Variants in PLEKHA4 observed in about 807,000 individuals in gnomAD.
PLEKHA4 encodes the protein pleckstrin homology domain containing A4.
PLEKHA4 carries 73 observed loss-of-function variants against 94.7 expected under a neutral mutation model. That is an observed-to-expected ratio of 0.77 (90% CI 0.64 to 0.94). The LOEUF is 0.94. Among genes scored for constraint, PLEKHA4 ranks in the 40% least tolerant of loss-of-function variants. PLEKHA4 has a pLI of 0.00. For synonymous variants in PLEKHA4, 449 were observed against 437.1 expected, an observed-to-expected ratio of 1.03 and a Z score of -0.34; for missense variants, 1,049 against 1,054.1, an observed-to-expected ratio of 1.00 and a Z score of 0.07.
chr19:48,853,585 C>A, intron 12 of PLEKHA4, 97 bp downstream of exon 12: 1 of 1,227,104 alleles, frequency 8.1e-7, no homozygotes, highest in Non-Finnish European at 1.1e-6. Context: ...TTCTGAAGAA[C>A]GATCTTCCTA....
At chr19:48,841,941 G>A (rs1048944810) in intron 16 of PLEKHA4, among the ~76,000 whole-genome samples, 3 of 152,046 alleles carry the variant, frequency 2.0e-5, no homozygotes, top group South Asian at 4.1e-4. Flanking sequence ...GCAAGATCCC[G>A]TATCTAAAAG....
intron 16 of PLEKHA4, among the ~76,000 whole-genome samples, chr19:48,843,542 G>A (rs1599870902): frequency 6.6e-6 from 1 of 152,020 alleles, no homozygotes; most frequent in Non-Finnish European, 1.5e-5. Context: ...GTGCAGTGGT[G>A]CAATCATGGC....
At chr19:48,863,435 T>TTTTG (rs1451735262) in intron 3 of PLEKHA4, among the ~76,000 whole-genome samples, 2 of 148,854 alleles carry the variant, frequency 1.3e-5, no homozygotes, top group Admixed American at 6.7e-5. Flanking sequence ...GTTTTTTGTT[T>TTTTG]TTTTTTTTTT....
At position 48,852,216 on chromosome 19, in the gene PLEKHA4, G is replaced by A; in HGVS notation, c.1425+12C>T. 5 of 1,609,352 alleles carry A rather than the reference G, an allele frequency of 3.1e-6. No individual in the cohort carries two copies. The highest frequency in any genetic ancestry group is 3.4e-6 in the Non-Finnish European group (4 of 1,175,680). On this transcript the variant is annotated intron_variant, in intron 13 of 19. Transcript: ENST00000263265. ...TGGGGGTGGGTCTTGGGGTCTCCAAGCAGCGATTTACCTGGGGAGAACCAA... is the reference window on the plus strand; with the variant it reads ...TGGGGGTGGGTCTTGGGGTCTCCAAACAGCGATTTACCTGGGGAGAACCAA...
At position 48,847,749 on chromosome 19, in the gene PLEKHA4, A is replaced by T. The variant is rs1317593817; in HGVS notation, c.1566+151T>A. 4.3e-6 allele frequency: 4 copies of T among 935,772 alleles called. No individual in the cohort carries two copies. In the African/African-American group the frequency reaches 6.9e-5, roughly 16 times the overall value. The allele number at this position is 935,772 out of a possible 1,614,324, so 58.0% of individuals were successfully genotyped here. ...TACGTCTCAAAAAAACCCCCGAAAA[A>T]AAAGAAAACAAAGGCTTCCAGAGGT... On this transcript the variant is annotated intron_variant, in intron 14 of 19. Coordinates refer to ENST00000263265, the MANE Select transcript of PLEKHA4 (RefSeq NM_020904.3).
chr19:48,845,242 C>A, intron 16 of PLEKHA4, 128 bp downstream of exon 16: 1 of 869,190 alleles, frequency 1.2e-6, no homozygotes, highest in East Asian at 2.5e-5. Context: ...AATCTCAATG[C>A]TCTTAACAAG....
At chr19:48,863,861 C>T (rs972191605) in intron 3 of PLEKHA4, among the ~76,000 whole-genome samples, 2 of 152,166 alleles carry the variant, frequency 1.3e-5, no homozygotes, top group Admixed American at 6.5e-5. Context: ...CGTCAGCCAT[C>T]GTGCCCAGCC....
intron 13 of PLEKHA4, among the ~76,000 whole-genome samples, chr19:48,849,203 G>A (rs1442057917): frequency 5.3e-5 from 8 of 152,148 alleles, no homozygotes; most frequent in African/African-American, 1.7e-4. Context: ...ACTGCAGCTG[G>A]CATGGGTCTG....
chr19:48,838,143 G>T lies in PLEKHA4; in HGVS notation c.1965-14C>A. The T allele has an allele frequency of 6.9e-7, 1 of 1,439,780 alleles. No homozygotes were observed. Among genetic ancestry groups the T allele is most frequent in the Non-Finnish European group, 9.7e-7 (1 of 1,030,468 alleles). The allele number at this position is 1,439,780 out of a possible 1,614,324, so 89.2% of individuals were successfully genotyped here. ...GTGTTCCTTGGACTAGAAAAAAAAA[G>T]AAGATTGGGGGTGGGGGTGTGTACA... On this transcript the variant is annotated splice_polypyrimidine_tract_variant and intron_variant, in intron 18 of 19. Coordinates refer to ENST00000263265, the MANE Select transcript of PLEKHA4 (RefSeq NM_020904.3).
At chr19:48,862,361 C>A (rs1231923095) in intron 3 of PLEKHA4, among the ~76,000 whole-genome samples, 12 of 151,430 alleles carry the variant, frequency 7.9e-5, no homozygotes, top group Admixed American at 6.6e-5. Context: ...CCACCACACC[C>A]AGCTAATTTT....
At position 48,867,845 on chromosome 19, in the gene PLEKHA4, C is replaced by T. The variant is rs2036885973; in HGVS notation, c.-6-219G>A. Among the ~76,000 whole-genome samples, 1 of 152,108 alleles carries T rather than the reference C, an allele frequency of 6.6e-6. No individual in the cohort carries two copies. Among genetic ancestry groups the T allele is most frequent in the Admixed American group, 6.5e-5 (1 of 15,278 alleles). ...TGCGGGAGGGGGCAGCTGTCTGCAG[C>T]CCAGGCCAGAGAATAGGGGCTTCTT... On this transcript the variant is annotated intron_variant, in intron 1 of 19. Transcript: ENST00000263265. This position sits in a 1 kb window ranked among gnomAD's most constrained non-coding sequence, Gnocchi z 4.7.
chr19:48,855,558 C>T (rs749046472), intron 9 of PLEKHA4, among the ~76,000 whole-genome samples: 7 of 151,778 alleles, frequency 4.6e-5, no homozygotes, highest in Non-Finnish European at 1.0e-4. Context: ...GAGCCGAGAT[C>T]GTGCCATTGC....
intron 12 of PLEKHA4, among the ~76,000 whole-genome samples, chr19:48,852,703 C>T (rs146074769): frequency 1.3e-5 from 2 of 152,172 alleles, no homozygotes; most frequent in South Asian, 2.1e-4. Flanking sequence ...GAGGCCAAGG[C>T]GGGCGGATCA....
At chr19:48,843,704 C>T (rs546120206) in intron 16 of PLEKHA4, among the ~76,000 whole-genome samples, 3 of 151,966 alleles carry the variant, frequency 2.0e-5, no homozygotes, top group Admixed American at 2.0e-4. Context: ...GTCACCCAGG[C>T]TGGAGTGCAG....
chr19:48,841,154 G>A lies in PLEKHA4; in HGVS notation c.1900C>T (p.Gln634Ter). 6.2e-7 allele frequency: 1 copy of A among 1,608,510 alleles called. No homozygotes were observed. The highest frequency in any genetic ancestry group is 1.1e-5 in the South Asian group (1 of 89,758). Residue 634 changes from glutamine to a stop codon, truncating the protein, a stop_gained, in exon 17 of 20, where the codon CAA becomes TAA. Coordinates refer to ENST00000263265, the MANE Select transcript of PLEKHA4 (RefSeq NM_020904.3). LOFTEE classifies it high-confidence loss of function. ...SPARRQPDVE[Q>*]RPVVGHSGAQ... ...CCCAGCCCTCCTCCCCTCACCCTTT[G>A]CTCCACGTCAGGCTGGCGTCTGGCT...
chr19:48,852,440 T>C, intron 12 of PLEKHA4, 114 bp from the exon 13 acceptor site: 1 of 748,114 alleles, frequency 1.3e-6, no homozygotes, highest in Non-Finnish European at 2.3e-6. Flanking sequence ...CCTGGAGCCC[T>C]GCAGGCGTAT....
At chr19:48,851,357 C>T (rs1440390600) in intron 13 of PLEKHA4, among the ~76,000 whole-genome samples, 1 of 151,606 alleles carries the variant, frequency 6.6e-6, no homozygotes, top group African/African-American at 2.4e-5. Flanking sequence ...TGGCTCACGC[C>T]TGTAATCCCA....
intron 9 of PLEKHA4, 53 bp from the exon 10 acceptor site, chr19:48,854,317 G>A (rs1224670471): frequency 3.9e-6 from 6 of 1,519,292 alleles, no homozygotes; most frequent in Non-Finnish European, 4.6e-6. Flanking sequence ...GGTCATTCTT[G>A]TAACTCAGTG....
chr19:48,868,609 C>A lies in PLEKHA4; in HGVS notation c.-533G>T, dbSNP rs751128814. The A allele has an allele frequency of 6.6e-6, 1 of 152,490 alleles. No individual in the cohort carries two copies. Among genetic ancestry groups the A allele is most frequent in the Non-Finnish European group, 1.5e-5 (1 of 68,336 alleles). The allele number at this position is 152,490 out of a possible 1,614,324, so 9.4% of individuals were successfully genotyped here. A position where few individuals can be genotyped will look rare whatever the true frequency, so the allele number is the denominator to read the frequency against. ...TCCTCCCTCTCCCAGTTTCTCTTTC[C>A]TCTCTGCTGGTCTTTCCCTGCCTCT... On this transcript the variant is annotated 5_prime_UTR_variant, in exon 1 of 20. The change creates a new upstream start codon in the 5' untranslated region. Coordinates refer to ENST00000263265, the MANE Select transcript of PLEKHA4 (RefSeq NM_020904.3).
Sources: gnomAD v4.1 joint callset for allele counts (sites outside exome capture counted in the v4.1 genomes callset) on GRCh38, gnomAD v4.1.1 for gene constraint, Gnocchi (gnomAD v3.1) non-coding constraint, MANE v1.5 for transcripts, NCBI Gene and HGNC (gene_info 2026-07-23, HGNC 2026-07-21) for gene names.